The following FMN1 variants were observed in gnomAD, a reference collection of about 807,000 sequenced individuals.
FMN1 encodes the protein formin 1.
In FMN1, 110 loss-of-function variants were observed where a neutral mutation model predicts 132.4. That is an observed-to-expected ratio of 0.83 (90% confidence interval 0.71 to 0.97). The LOEUF (loss-of-function observed/expected upper bound fraction) is 0.97, where lower values mean the gene tolerates loss of function less well. FMN1 is among the 50% of genes least tolerant of loss of function. The pLI, the probability that FMN1 is intolerant of heterozygous loss-of-function variation, is 0.00. For synonymous variants in FMN1, 722 were observed against 651.7 expected (o/e 1.11, Z -1.64); for missense variants, 1,792 against 1,705.3 (o/e 1.05, Z -0.90).
chr15:32,968,751 G>C lies in FMN1; in HGVS notation c.2950C>G (p.Pro984Ala), dbSNP rs767690452. 15 of 1,613,204 alleles carry C rather than the reference G, an allele frequency of 9.3e-6. No individual in the cohort carries two copies. Among genetic ancestry groups the C allele is most frequent in the South Asian group, 8.8e-5 (8 of 91,030 alleles). ...PAIEPSCPMK[P>A]LYWTRIQISD... is the part of the protein sequence containing the mutation. ...ATTTGTATCCTAGTCCAATATAAAG[G>C]CTTCATGGGACAACTGGGCTCGATG... The change falls in exon 8 of 21, where the codon CCT becomes GCT. Residue 984 changes from proline to alanine, a missense_variant. Physicochemically the swap from Pro to Ala is conservative, Grantham distance 27. Coordinates refer to ENST00000616417, the MANE Select transcript of FMN1 (RefSeq NM_001277313.2).
At chr15:33,086,243 T>C (rs8032791) in intron 5 of FMN1, among the ~76,000 whole-genome samples, 3,642 of 134,732 alleles carry the variant, frequency 0.027, 158 homozygotes, top group African/African-American at 0.097. Flanking sequence ...AGAGCAAGAC[T>C]CCATCTCAAA....
intron 2 of FMN1, among the ~76,000 whole-genome samples, chr15:33,184,570 C>G (rs1965814124): frequency 6.7e-6 from 1 of 150,246 alleles, no homozygotes; most frequent in Non-Finnish European, 1.5e-5. Context: ...GTGGCACAGT[C>G]TCAGCTCACT....
intron 5 of FMN1, among the ~76,000 whole-genome samples, chr15:33,075,425 C>A (rs2038170131): frequency 6.6e-6 from 1 of 152,184 alleles, no homozygotes; most frequent in Non-Finnish European, 1.5e-5. Context: ...ACATACAACA[C>A]ACCTCCGCAT....
At chr15:33,022,796 G>C (rs534829360) in intron 6 of FMN1, among the ~76,000 whole-genome samples, 14 of 152,254 alleles carry the variant, frequency 9.2e-5, no homozygotes, top group Admixed American at 2.6e-4. Flanking sequence ...CAGGAAGCCA[G>C]GCCCAGACTT....
chr15:32,818,355 A>G (rs1012066203), intron 17 of FMN1, among the ~76,000 whole-genome samples: 3 of 152,226 alleles, frequency 2.0e-5, no homozygotes, highest in Non-Finnish European at 4.4e-5. Context: ...CTATTCAAAC[A>G]AAACATTTTC....
intron 16 of FMN1, among the ~76,000 whole-genome samples, chr15:32,883,944 A>G (rs950183229): frequency 2.6e-5 from 4 of 152,198 alleles, no homozygotes; most frequent in Non-Finnish European, 5.9e-5. Flanking sequence ...ACTCTTTCAG[A>G]GAACAACAGT....
chr15:33,144,546 G>A (rs1484518081), intron 4 of FMN1, among the ~76,000 whole-genome samples: 1 of 151,256 alleles, frequency 6.6e-6, no homozygotes, highest in Non-Finnish European at 1.5e-5. Flanking sequence ...GCTGAGGCAG[G>A]AGAATGGCAT....
At chr15:33,007,323 G>GGTA (rs1182057344) in intron 7 of FMN1, among the ~76,000 whole-genome samples, 1 of 152,082 alleles carries the variant, frequency 6.6e-6, no homozygotes, top group African/African-American at 2.4e-5. Flanking sequence ...CTGAAGCAGG[G>GGTA]GGTTACTGCA....
intron 19 of FMN1, among the ~76,000 whole-genome samples, chr15:32,792,370 G>A (rs536693436): frequency 6.6e-6 from 1 of 151,688 alleles, no homozygotes; most frequent in African/African-American, 2.4e-5. Flanking sequence ...GCATGAACCC[G>A]GAAGGTGGAG....
Position 33,064,966 on chromosome 15 carries a change from T to G in FMN1, c.2152A>C (p.Thr718Pro). 1 of 1,610,076 alleles carries G rather than the reference T, an allele frequency of 6.2e-7. No homozygotes were observed. Among genetic ancestry groups the G allele is most frequent in the Non-Finnish European group, 8.5e-7 (1 of 1,177,860 alleles). ...CTTCCTTTCACATTACCTGCTTCAG[T>G]GTACTTCAGTCCCACTTTTTCTTCT... Reference protein sequence around the residue: ...DTEEKVGLKYTEAEYQAAILH... With the variant: ...DTEEKVGLKYPEAEYQAAILH... The change falls in exon 6 of 21, where the codon ACT becomes CCT. Residue 718 changes from threonine to proline, a missense_variant. Coordinates refer to ENST00000616417, the MANE Select transcript of FMN1 (RefSeq NM_001277313.2).
chr15:32,788,090 T>C (rs1332041561), intron 19 of FMN1, among the ~76,000 whole-genome samples: 2 of 152,202 alleles, frequency 1.3e-5, no homozygotes, highest in Admixed American at 6.5e-5. Flanking sequence ...AAGTGATTAA[T>C]TGCAGAACAA....
intron 5 of FMN1, among the ~76,000 whole-genome samples, chr15:33,084,502 G>A (rs555710885): frequency 5.9e-5 from 9 of 152,270 alleles, no homozygotes; most frequent in African/African-American, 1.7e-4. Flanking sequence ...ACAGTTCCAA[G>A]TAGATCGTGT....
chr15:32,967,265 C>G, intron 8 of FMN1, among the ~76,000 whole-genome samples: 1 of 152,170 alleles, frequency 6.6e-6, no homozygotes. Flanking sequence ...CAGTGGGACT[C>G]TTTGATGGCT....
intron 7 of FMN1, among the ~76,000 whole-genome samples, chr15:32,995,394 A>G (rs1369187739): frequency 1.3e-5 from 2 of 152,178 alleles, no homozygotes; most frequent in African/African-American, 2.4e-5. Flanking sequence ...TCCCTCCATT[A>G]GTCTCTGCGT....
At position 33,040,290 on chromosome 15, in the gene FMN1, C is replaced by G. The variant is rs144910376; in HGVS notation, c.2161+24667G>C. The stretch of plus-strand genomic sequence containing the variant: ...TGATGACAGTCTCCTTTGTGTTCCA[C>G]TATATGCTAATCACTCTTTCTATAA... On this transcript the variant is annotated intron_variant, in intron 6 of 20. Transcript: ENST00000616417. Among the ~76,000 whole-genome samples the G allele has an allele frequency of 2.3e-3, 354 of 152,298 alleles. 1 individual carries two copies. Among genetic ancestry groups the G allele is most frequent in the Admixed American group, 4.0e-3 (61 of 15,292 alleles).
intron 7 of FMN1, among the ~76,000 whole-genome samples, chr15:33,006,168 A>T (rs1165830352): frequency 6.6e-6 from 1 of 152,196 alleles, no homozygotes; most frequent in Non-Finnish European, 1.5e-5. Context: ...TTAATATACA[A>T]AAAATATTTA....
intron 5 of FMN1, among the ~76,000 whole-genome samples, chr15:33,082,092 AATGTGTGTGTGTGTGT>A (rs1487011688): frequency 2.2e-3 from 193 of 87,980 alleles, no homozygotes; most frequent in Admixed American, 4.7e-3. Flanking sequence ...GCTGGAAAAC[AATGTGTGTGTGTGTGT>A]GTGTGTGTGT....
At chr15:33,188,063 G>A (rs1052671078) in intron 2 of FMN1, among the ~76,000 whole-genome samples, 5 of 152,230 alleles carry the variant, frequency 3.3e-5, no homozygotes, top group South Asian at 2.1e-4. Flanking sequence ...GGCCGGGCAC[G>A]GTGGCTCATG....
Position 32,768,643 on chromosome 15 carries a change from C to T in FMN1, c.*5667G>A, listed in dbSNP as rs1281327724. Reference sequence around the variant, plus strand: ...CAAATTCTTTGGACGTGATTTTCTGCCTGAAACTATAGTCTTCTTTGCATT... The same window carrying T: ...CAAATTCTTTGGACGTGATTTTCTGTCTGAAACTATAGTCTTCTTTGCATT... On this transcript the variant is annotated 3_prime_UTR_variant, in exon 21 of 21. Coordinates refer to ENST00000616417, the MANE Select transcript of FMN1 (RefSeq NM_001277313.2). The T allele has an allele frequency of 6.6e-6, 1 of 152,128 alleles. No homozygotes were observed. The highest frequency in any genetic ancestry group is 1.5e-5 in the Non-Finnish European group (1 of 68,038). The allele number at this position is 152,128 out of a possible 1,614,324, so 9.4% of individuals were successfully genotyped here. A position where few individuals can be genotyped will look rare whatever the true frequency, so the allele number is the denominator to read the frequency against.
Sources: allele counts gnomAD v4.1 joint callset (sites outside exome capture counted in the v4.1 genomes callset), GRCh38; gene constraint gnomAD v4.1.1; transcripts MANE v1.5; gene names NCBI Gene and HGNC (gene_info 2026-07-23, HGNC 2026-07-21).